The following CALN1 variants were observed in gnomAD, a reference collection of about 807,000 sequenced individuals.
CALN1 encodes calneuron 1, also known as calcium-binding protein 8.
A neutral mutation model predicts 30.6 loss-of-function variants in CALN1; 17 were observed. That is an observed-to-expected ratio of 0.56 (90% CI 0.38 to 0.83). The LOEUF (loss-of-function observed/expected upper bound fraction) is 0.83, where lower values mean the gene tolerates loss of function less well. Ranked by LOEUF, CALN1 falls within the 40% of genes least tolerant of loss-of-function variation. The pLI, the probability that CALN1 is intolerant of heterozygous loss-of-function variation, is 0.00. For missense variants in CALN1, 291 were observed against 354.9 expected (o/e 0.82, Z 1.45); for synonymous variants, 156 against 131.4 (o/e 1.19, Z -1.28).
At chr7:72,059,148 C>T (rs1192795422) in intron 4 of CALN1, among the ~76,000 whole-genome samples, 1 of 152,154 alleles carries the variant, frequency 6.6e-6, no homozygotes, top group East Asian at 1.9e-4. Context: ...AAACCTTTAT[C>T]AAGGAAAATT....
chr7:71,980,192 T>C (rs945644357), intron 5 of CALN1, among the ~76,000 whole-genome samples: 3 of 148,544 alleles, frequency 2.0e-5, no homozygotes, highest in Non-Finnish European at 3.0e-5. Flanking sequence ...TTTTTCTTTT[T>C]TTTTTTTTTT....
the CALN1 span, among the ~76,000 whole-genome samples, chr7:72,461,130 C>T: frequency 3.2e-4 from 48 of 152,086 alleles, no homozygotes; most frequent in Non-Finnish European, 6.3e-4. Context: ...AAGCATGAAC[C>T]GGACCCACGA....
chr7:72,391,229 T>C (rs1805558701), intron 2 of CALN1, among the ~76,000 whole-genome samples: 1 of 152,210 alleles, frequency 6.6e-6, no homozygotes, highest in Non-Finnish European at 1.5e-5. Context: ...GTCCCAGATG[T>C]AGACCCAAAG....
intron 3 of CALN1, among the ~76,000 whole-genome samples, chr7:72,131,449 CTGCTCTTCA>C (rs1809140798): frequency 6.6e-6 from 1 of 152,138 alleles, no homozygotes; most frequent in Non-Finnish European, 1.5e-5. Context: ...TTATTTATCG[CTGCTCTTCA>C]TGCTTTTAAA....
At chr7:71,812,922 TCA>T (rs1491346270) in intron 5 of CALN1, among the ~76,000 whole-genome samples, 83 of 87,100 alleles carry the variant, frequency 9.5e-4, no homozygotes, top group African/African-American at 2.8e-3. Context: ...TTATTTATCA[TCA>T]TCATCATTAT....
intron 3 of CALN1, among the ~76,000 whole-genome samples, chr7:72,277,277 G>C (rs1797397843): frequency 6.6e-6 from 1 of 152,220 alleles, no homozygotes; most frequent in Non-Finnish European, 1.5e-5. Context: ...AACAGACCAA[G>C]ACACCACCCA....
intron 3 of CALN1, among the ~76,000 whole-genome samples, chr7:72,211,489 T>A (rs891794908): frequency 1.3e-5 from 2 of 152,180 alleles, no homozygotes; most frequent in African/African-American, 4.8e-5. Context: ...GTCTCCTGAC[T>A]TTGGGCAAAT....
At chr7:72,328,782 G>A (rs887657351) in intron 2 of CALN1, among the ~76,000 whole-genome samples, 6 of 152,274 alleles carry the variant, frequency 3.9e-5, no homozygotes, top group South Asian at 2.1e-4. Context: ...TGCAACCTCC[G>A]CCTCCTGGGT....
chr7:72,272,541 G>A (rs917772748), intron 3 of CALN1, among the ~76,000 whole-genome samples: 1 of 151,966 alleles, frequency 6.6e-6, no homozygotes, highest in Admixed American at 6.6e-5. Context: ...CAGCCTAGGC[G>A]ACAGAGCCAG....
At chr7:72,378,700 T>G (rs988800834) in intron 2 of CALN1, among the ~76,000 whole-genome samples, 9 of 127,446 alleles carry the variant, frequency 7.1e-5, no homozygotes, top group African/African-American at 1.2e-4. Context: ...TTTTTTTTTT[T>G]GAGACGGAAT....
rs548991098 is a variant in CALN1, at chr7:71,822,756, T to G, written c.502-12264A>C. Among the ~76,000 whole-genome samples the G allele has an allele frequency of 5.3e-5, 8 of 152,330 alleles. No homozygotes were observed. The East Asian group carries it at 1.4e-3, about 26-fold the overall frequency. Reference sequence around the variant, plus strand: ...TAATAGACCTTTTATTTTCCTACCTTTTGCCTCATGCTTTTCAGTCTTTGT... The same window carrying G: ...TAATAGACCTTTTATTTTCCTACCTGTTGCCTCATGCTTTTCAGTCTTTGT... On this transcript the variant is annotated intron_variant, in intron 5 of 6. Coordinates refer to ENST00000395275, the MANE Select transcript of CALN1 (RefSeq NM_031468.4).
intron 2 of CALN1, among the ~76,000 whole-genome samples, chr7:72,393,505 A>G (rs749175270): frequency 1.3e-5 from 2 of 152,100 alleles, no homozygotes; most frequent in African/African-American, 4.8e-5. Context: ...CTACACCATA[A>G]CATATGAAGT....
chr7:72,170,536 C>G (rs967435551), intron 3 of CALN1, among the ~76,000 whole-genome samples: 2 of 152,208 alleles, frequency 1.3e-5, no homozygotes, highest in African/African-American at 4.8e-5. Flanking sequence ...GCAGGAATTT[C>G]AACCTGGACG....
chr7:71,864,159 C>T (rs571827514), intron 5 of CALN1, among the ~76,000 whole-genome samples: 9 of 152,228 alleles, frequency 5.9e-5, no homozygotes, highest in Non-Finnish European at 1.2e-4. Context: ...ATTTTCCTTC[C>T]CGCTGTGGTA....
intron 5 of CALN1, among the ~76,000 whole-genome samples, chr7:71,944,771 CAA>C (rs1182264082): frequency 6.6e-6 from 1 of 152,078 alleles, no homozygotes; most frequent in African/African-American, 2.4e-5. Flanking sequence ...GTTATGTTTA[CAA>C]ACAATTGCTA....
chr7:72,341,783 A>G (rs1802397140), intron 2 of CALN1, among the ~76,000 whole-genome samples: 1 of 152,214 alleles, frequency 6.6e-6, no homozygotes, highest in Non-Finnish European at 1.5e-5. Flanking sequence ...AAATGTGACT[A>G]TGTGAAATAG....
rs1808542307 is a variant in CALN1, at chr7:72,446,831, C to T, written c.-226+211G>A. 2.0e-5 allele frequency among the ~76,000 whole-genome samples: 3 copies of T among 152,172 alleles called. No homozygotes were observed. In the South Asian group the frequency reaches 6.2e-4, roughly 32 times the overall value. On this transcript the variant is annotated intron_variant, in intron 1 of 6. Transcript: ENST00000395276. Reference sequence around the variant, plus strand: ...GCCAAAACAAACGTGCCAAGAGCCACCACCACCTCCAGATCTCCCTACCCC... The same window carrying T: ...GCCAAAACAAACGTGCCAAGAGCCATCACCACCTCCAGATCTCCCTACCCC...
chr7:71,846,413 C>T (rs1345391609), intron 5 of CALN1, among the ~76,000 whole-genome samples: 1 of 152,080 alleles, frequency 6.6e-6, no homozygotes, highest in Non-Finnish European at 1.5e-5. Context: ...AGAAAGGAGC[C>T]CGCAGTTTTC....
intron 5 of CALN1, among the ~76,000 whole-genome samples, chr7:71,892,137 A>G (rs1410074387): frequency 6.6e-6 from 1 of 152,166 alleles, no homozygotes; most frequent in Non-Finnish European, 1.5e-5. Context: ...AACCTTGGCC[A>G]CATTGAATAT....
Sources: allele counts gnomAD v4.1 joint callset (sites outside exome capture counted in the v4.1 genomes callset), GRCh38; gene constraint gnomAD v4.1.1; transcripts MANE v1.5; gene names NCBI Gene and HGNC (gene_info 2026-07-23, HGNC 2026-07-21).